ESR1: variants seen among roughly 807,000 people sequenced by gnomAD.
ESR1 encodes the protein estrogen receptor.
In ESR1, 12 loss-of-function variants were observed where a neutral mutation model predicts 52.7. That is an observed-to-expected ratio of 0.23 (90% CI 0.15 to 0.37). ESR1 has a LOEUF of 0.37. Among genes scored for constraint, ESR1 ranks in the 10% least tolerant of loss-of-function variants. ESR1 has a pLI of 1.00. For missense variants in ESR1, 584 were observed against 779.7 expected, an observed-to-expected ratio of 0.75 and a Z score of 2.99; for synonymous variants, 305 against 316.8, an observed-to-expected ratio of 0.96 and a Z score of 0.39.
chr6:152,100,127 G>A lies in ESR1; in HGVS notation c.*1161G>A. 1 of 398,758 alleles carries A rather than the reference G, an allele frequency of 2.5e-6. No homozygotes were observed. The highest frequency in any genetic ancestry group is 3.6e-5 in the East Asian group (1 of 28,064). 24.7% of individuals were successfully genotyped at this position (398,758 alleles called of 1,614,324 possible). The stretch of plus-strand genomic sequence containing the variant: ...CTGCAGCTACCTAGGAACATTCCTT[G>A]CAGACCCCGCATTGCCCTTTGGGGG... On this transcript the variant is annotated 3_prime_UTR_variant, in exon 8 of 8. Coordinates refer to ENST00000206249, the MANE Select transcript of ESR1 (RefSeq NM_000125.4).
chr6:151,935,726 A>G (rs1288511858), intron 3 of ESR1, among the ~76,000 whole-genome samples: 1 of 152,256 alleles, frequency 6.6e-6, no homozygotes, highest in African/African-American at 2.4e-5. Flanking sequence ...TAGTTAATTC[A>G]TTACAGATTT....
intron 2 of ESR1, among the ~76,000 whole-genome samples, chr6:151,856,966 T>G (rs1787956500): frequency 6.6e-6 from 1 of 152,214 alleles, no homozygotes; most frequent in Non-Finnish European, 1.5e-5. Context: ...TTATTGCTTA[T>G]AAAATGCTTT....
intron 4 of ESR1, 57 bp downstream of exon 4, chr6:151,944,565 A>G (rs1210300870): frequency 6.8e-7 from 1 of 1,480,730 alleles, no homozygotes; most frequent in Non-Finnish European, 9.4e-7. Flanking sequence ...ACTTGTTGTG[A>G]TGTCATGGGA....
intron 2 of ESR1, among the ~76,000 whole-genome samples, chr6:151,850,935 A>G (rs1296663745): frequency 6.6e-6 from 1 of 152,046 alleles, no homozygotes; most frequent in African/African-American, 2.4e-5. Context: ...CCGTTTGCTT[A>G]TGTCTTTTTT....
At chr6:151,750,615 G>A (rs1364140407) in intron 2 of ESR1, among the ~76,000 whole-genome samples, 1 of 152,082 alleles carries the variant, frequency 6.6e-6, no homozygotes, top group African/African-American at 2.4e-5. Context: ...TTCCTTTAGG[G>A]TGAGAAACAA....
intron 4 of ESR1, among the ~76,000 whole-genome samples, chr6:151,986,903 ATGTGTG>A (rs140628128): frequency 1.3e-5 from 2 of 149,916 alleles, no homozygotes; most frequent in Non-Finnish European, 3.0e-5. Context: ...GTGTGTGAGC[ATGTGTG>A]TGTGTGTGTG....
At chr6:151,704,182 C>T (rs1245484750) in intron 2 of ESR1, among the ~76,000 whole-genome samples, 1 of 152,220 alleles carries the variant, frequency 6.6e-6, no homozygotes, top group East Asian at 1.9e-4. Context: ...CCCACTCCCA[C>T]TCTTTCATAT....
chr6:151,763,192 A>G (rs1050743072), intron 2 of ESR1, among the ~76,000 whole-genome samples: 1 of 151,374 alleles, frequency 6.6e-6, no homozygotes, highest in East Asian at 1.9e-4. Flanking sequence ...AATTATAACC[A>G]CCTTGGCTCC....
intron 1 of ESR1, among the ~76,000 whole-genome samples, chr6:151,833,252 CTG>C (rs1285695340): frequency 2.0e-5 from 3 of 152,136 alleles, no homozygotes; most frequent in African/African-American, 7.2e-5. Flanking sequence ...GCTAAGGAGA[CTG>C]TGTTTATCCT....
chr6:151,858,567 T>TTGAA (rs1788298357), intron 2 of ESR1, among the ~76,000 whole-genome samples: 1 of 151,162 alleles, frequency 6.6e-6, no homozygotes, highest in Non-Finnish European at 1.5e-5. Context: ...TACCCTGCCT[T>TTGAA]TGGATCCGTT....
chr6:151,891,755 C>A (rs1403274422), intron 3 of ESR1, among the ~76,000 whole-genome samples: 1 of 152,032 alleles, frequency 6.6e-6, no homozygotes, highest in African/African-American at 2.4e-5. Context: ...ATATTAATAT[C>A]CCATAAACCA....
intron 3 of ESR1, among the ~76,000 whole-genome samples, chr6:151,881,413 T>C (rs1389520330): frequency 6.6e-6 from 1 of 152,276 alleles, no homozygotes; most frequent in African/African-American, 2.4e-5. Context: ...GCTGTGTGTG[T>C]GTGTGGTTTT....
Position 151,870,483 on chromosome 6 carries a change from T to C in ESR1, c.644-10172T>C, listed in dbSNP as rs560195047. 1.4e-4 allele frequency among the ~76,000 whole-genome samples: 21 copies of C among 152,342 alleles called. No homozygotes were observed. In the South Asian group the frequency reaches 1.7e-3, roughly 12 times the overall value. On this transcript the variant is annotated intron_variant, in intron 2 of 7. Transcript: ENST00000206249. ...CTTGTTCAGTCATCGTCAAGTTCTT[T>C]TTATTTCACCAACCCTACCATGGCA...
At position 151,910,336 on chromosome 6, in the gene ESR1, C is replaced by T. The variant is rs994884764; in HGVS notation, c.760+29565C>T. On this transcript the variant is annotated intron_variant, in intron 3 of 7. Transcript: ENST00000206249. ...ATCTAGATACTAGAGTAAGTGGTAG[C>T]AGCAAATCCTATATTGGAACAATGT... 2.6e-5 allele frequency among the ~76,000 whole-genome samples: 4 copies of T among 152,056 alleles called. No individual in the cohort carries two copies. In the East Asian group the frequency reaches 7.7e-4, roughly 29 times the overall value.
chr6:151,664,292 T>G (rs1777742234), intron 1 of ESR1, among the ~76,000 whole-genome samples: 1 of 152,174 alleles, frequency 6.6e-6, no homozygotes, highest in Admixed American at 6.5e-5. Context: ...TAAAAGCAGA[T>G]AAACAAGGAT....
chr6:151,872,432 A>C (rs1791131033), intron 2 of ESR1, among the ~76,000 whole-genome samples: 1 of 152,112 alleles, frequency 6.6e-6, no homozygotes. Context: ...AAACTTCTTC[A>C]CATCTTCTCT....
intron 1 of ESR1, among the ~76,000 whole-genome samples, chr6:151,657,286 G>C (rs1177037925): frequency 1.3e-5 from 2 of 152,040 alleles, no homozygotes; most frequent in African/African-American, 4.8e-5. Flanking sequence ...ATGAAAAAGG[G>C]AAATTAATTA....
chr6:151,897,746 G>C (rs1212522173), intron 3 of ESR1, among the ~76,000 whole-genome samples: 1 of 152,082 alleles, frequency 6.6e-6, no homozygotes, highest in Non-Finnish European at 1.5e-5. Context: ...TGTATACCTT[G>C]GATTTTTTTT....
chr6:151,816,227 A>T (rs1779619162), intron 1 of ESR1, among the ~76,000 whole-genome samples: 1 of 152,216 alleles, frequency 6.6e-6, no homozygotes, highest in African/African-American at 2.4e-5. Flanking sequence ...GTATTTGCTA[A>T]TTCAGTGTTT....
Sources: allele counts gnomAD v4.1 joint callset (sites outside exome capture counted in the v4.1 genomes callset), GRCh38; gene constraint gnomAD v4.1.1; transcripts MANE v1.5; gene names NCBI Gene and HGNC (gene_info 2026-07-23, HGNC 2026-07-21).